Variants in RPS6KC1 observed in about 807,000 individuals in gnomAD.
RPS6KC1 encodes the protein ribosomal protein S6 kinase C1.
Under a neutral mutation model 103.8 loss-of-function variants are expected in RPS6KC1, and 54 were observed. The ratio of observed to expected loss-of-function variants is 0.52; its 90% CI spans 0.42 to 0.65. RPS6KC1 has a LOEUF of 0.65. Ranked by LOEUF, RPS6KC1 falls within the 30% of genes least tolerant of loss-of-function variation. The probability of loss-of-function intolerance (pLI) is 0.00; values close to 1 mark genes in which losing one functional copy is unlikely to be tolerated. For synonymous variants in RPS6KC1, 439 were observed against 438.7 expected (o/e 1.00, Z -0.01); for missense variants, 1,151 against 1,253.8 (o/e 0.92, Z 1.24).
chr1:213,609,649 C>T, the RPS6KC1 span, among the ~76,000 whole-genome samples: 1 of 151,868 alleles, frequency 6.6e-6, no homozygotes, highest in Middle Eastern at 3.2e-3. Flanking sequence ...TGGGCTAGGG[C>T]ATCAGGTGGG....
At chr1:213,083,831 G>A (rs1240313297) in intron 3 of RPS6KC1, among the ~76,000 whole-genome samples, 1 of 152,144 alleles carries the variant, frequency 6.6e-6, no homozygotes, top group Non-Finnish European at 1.5e-5. Flanking sequence ...GTTAGCATAT[G>A]CAGAAGGGAT....
At chr1:213,242,396 T>A in intron 11 of RPS6KC1, 99 bp downstream of exon 11, 1 of 1,390,520 alleles carries the variant, frequency 7.2e-7, no homozygotes, top group South Asian at 1.2e-5. Flanking sequence ...ATTTCCTGTC[T>A]AGAGCTTCAT....
rs868650812 is a variant in RPS6KC1 at position 213,151,209 on chromosome 1, A to G, written c.836-16649A>G. Among the ~76,000 whole-genome samples, 330 of 54,240 alleles carry G rather than the reference A, an allele frequency of 6.1e-3. 1 individual carries two copies. The highest frequency in any genetic ancestry group is 0.018 in the African/African-American group (202 of 10,930). The allele number at this position is 54,240 out of a possible 152,430, so 35.6% of individuals were successfully genotyped here. A position where few individuals can be genotyped will look rare whatever the true frequency, so the allele number is the denominator to read the frequency against. ...TCCCTCCCGGATGGGGCGGCTGGCC[A>G]GGCGGGGGGCTGACCCCCCCACCTC... On this transcript the variant is annotated intron_variant, in intron 6 of 14. Coordinates refer to ENST00000366960, the MANE Select transcript of RPS6KC1 (RefSeq NM_012424.6).
At chr1:213,626,365 A>G in the RPS6KC1 span, among the ~76,000 whole-genome samples, 1 of 152,122 alleles carries the variant, frequency 6.6e-6, no homozygotes, top group African/African-American at 2.4e-5. Context: ...ATTTTCTCCC[A>G]TTCTGTAGGT....
At chr1:213,204,122 A>G (rs2093264226) in intron 8 of RPS6KC1, among the ~76,000 whole-genome samples, 1 of 152,166 alleles carries the variant, frequency 6.6e-6, no homozygotes, top group Admixed American at 6.5e-5. Flanking sequence ...CCTCTCCTCC[A>G]TGCTAAACTT....
intron 6 of RPS6KC1, among the ~76,000 whole-genome samples, chr1:213,155,364 A>G (rs1238324661): frequency 6.6e-6 from 1 of 152,072 alleles, no homozygotes; most frequent in African/African-American, 2.4e-5. Flanking sequence ...ATGCCTTTCA[A>G]ATTTACTTGG....
chr1:213,686,653 A>G, the RPS6KC1 span, among the ~76,000 whole-genome samples: 2 of 152,122 alleles, frequency 1.3e-5, no homozygotes, highest in East Asian at 1.9e-4. Context: ...GGGAGGTTCC[A>G]TCTTTTTGTT....
the RPS6KC1 span, among the ~76,000 whole-genome samples, chr1:213,453,677 G>C: frequency 6.6e-6 from 1 of 152,274 alleles, no homozygotes; most frequent in Admixed American, 6.5e-5. Context: ...AAGCACTTTG[G>C]GGTAACAGTA....
chr1:213,756,719 C>T, the RPS6KC1 span, among the ~76,000 whole-genome samples: 8 of 152,122 alleles, frequency 5.3e-5, no homozygotes, highest in East Asian at 1.2e-3. Flanking sequence ...TGGGCTCAAG[C>T]GATCCTCTCA....
chr1:213,205,744 T>G (rs999878118), intron 8 of RPS6KC1, among the ~76,000 whole-genome samples: 7 of 151,686 alleles, frequency 4.6e-5, no homozygotes, highest in Non-Finnish European at 1.0e-4. Context: ...TGCTTTGATA[T>G]TTTATTCTGT....
At chr1:213,118,879 A>AT (rs1011225082) in intron 5 of RPS6KC1, among the ~76,000 whole-genome samples, 2 of 151,450 alleles carry the variant, frequency 1.3e-5, no homozygotes, top group Admixed American at 6.6e-5. Flanking sequence ...ATAATCTATT[A>AT]TTTTTTTTGT....
chr1:213,305,513 T>C, the RPS6KC1 span, among the ~76,000 whole-genome samples: 1 of 152,228 alleles, frequency 6.6e-6, no homozygotes, highest in Non-Finnish European at 1.5e-5. Context: ...CTTTGAAAAG[T>C]ACAGTGTCAG....
the RPS6KC1 span, among the ~76,000 whole-genome samples, chr1:213,455,319 A>C: frequency 1.3e-5 from 2 of 152,086 alleles, no homozygotes; most frequent in African/African-American, 4.8e-5. Context: ...ATTTAAGAAC[A>C]TTAAAAAGTG....
the RPS6KC1 span, among the ~76,000 whole-genome samples, chr1:213,697,151 G>A: frequency 1.3e-5 from 2 of 152,350 alleles, no homozygotes; most frequent in African/African-American, 2.4e-5. Context: ...GATGCACAGG[G>A]CAGCATATGT....
the RPS6KC1 span, among the ~76,000 whole-genome samples, chr1:213,766,619 A>T: frequency 6.6e-6 from 1 of 152,080 alleles, no homozygotes; most frequent in African/African-American, 2.4e-5. Context: ...TCTAATTTTT[A>T]ATTCTCCTTA....
intron 3 of RPS6KC1, among the ~76,000 whole-genome samples, chr1:213,091,168 C>G (rs1220525611): frequency 6.6e-6 from 1 of 152,188 alleles, no homozygotes; most frequent in East Asian, 1.9e-4. Context: ...TGCCATTCTC[C>G]TGCCTCAGCC....
At chr1:213,335,944 T>C in the RPS6KC1 span, among the ~76,000 whole-genome samples, 2 of 152,242 alleles carry the variant, frequency 1.3e-5, no homozygotes, top group Admixed American at 6.5e-5. Flanking sequence ...TTTATCAGTA[T>C]ATTTCATTTT....
At chr1:213,541,729 C>T in the RPS6KC1 span, among the ~76,000 whole-genome samples, 10 of 152,102 alleles carry the variant, frequency 6.6e-5, no homozygotes, top group Non-Finnish European at 1.0e-4. Flanking sequence ...GGAGAGACAG[C>T]TGTGTGGAGA....
At chr1:213,580,087 T>A in the RPS6KC1 span, among the ~76,000 whole-genome samples, 1 of 152,238 alleles carries the variant, frequency 6.6e-6, no homozygotes, top group African/African-American at 2.4e-5. Flanking sequence ...GCGATTCCTC[T>A]GATGGCTCTG....
Sources: allele counts gnomAD v4.1 joint callset (sites outside exome capture counted in the v4.1 genomes callset), GRCh38; gene constraint gnomAD v4.1.1; transcripts MANE v1.5; gene names NCBI Gene and HGNC (gene_info 2026-07-23, HGNC 2026-07-21).